ADCY4: variants seen among roughly 807,000 people sequenced by gnomAD.
The protein encoded by ADCY4 is adenylate cyclase 4.
Under a neutral mutation model 125.5 loss-of-function variants are expected in ADCY4, and 111 were observed. The ratio of observed to expected loss-of-function variants is 0.88; its 90% CI spans 0.76 to 1.04. The LOEUF (loss-of-function observed/expected upper bound fraction) is 1.04. ADCY4 is among the 50% of genes least tolerant of loss of function. ADCY4 has a pLI of 0.00. For missense variants in ADCY4, 1,256 were observed against 1,382.9 expected (o/e 0.91, Z 1.46); for synonymous variants, 576 against 586.9 (o/e 0.98, Z 0.27).
intron 8 of ADCY4, 130 bp from the exon 9 acceptor site, chr14:24,329,663 G>T: frequency 1.4e-6 from 2 of 1,421,868 alleles, no homozygotes; most frequent in South Asian, 1.5e-5. Context: ...CTGGATGTCT[G>T]ACTTCAAGAA....
intron 14 of ADCY4, among the ~76,000 whole-genome samples, chr14:24,324,901 A>G (rs1411230101): frequency 6.6e-6 from 1 of 151,690 alleles, no homozygotes. Flanking sequence ...ATGGGGTTTC[A>G]CCATGTTGGC....
At chr14:24,327,861 A>G (rs1226951244) in intron 10 of ADCY4, among the ~76,000 whole-genome samples, 2 of 152,224 alleles carry the variant, frequency 1.3e-5, no homozygotes, top group African/African-American at 4.8e-5. Flanking sequence ...GTTCCAGTAT[A>G]ATAAAATATA....
In ADCY4 at chr14:24,332,579, C is replaced by A. The variant is rs1465833855; in HGVS notation, c.462G>T (p.Leu154=). 1 of 1,578,066 alleles carries A rather than the reference C, an allele frequency of 6.3e-7. No homozygotes were observed. The highest frequency in any genetic ancestry group is 8.6e-7 in the Non-Finnish European group (1 of 1,161,960). Residue 154 remains leucine (L), a synonymous_variant, in exon 3 of 25, where the codon CTG becomes CTT. Coordinates refer to ENST00000418030, the MANE Select transcript of ADCY4 (RefSeq NM_001198568.2). ...AGLASSLSHL[L]VLGLYLGPQP... The stretch of plus-strand genomic sequence containing the variant: ...GTGGCCCAAGATACAGCCCGAGGAC[C>A]AGCAGATGCGAGAGTGAGGAGGCGA...
intron 20 of ADCY4, chr14:24,321,721 G>T (rs572668666): frequency 2.2e-6 from 2 of 892,346 alleles, no homozygotes; most frequent in Non-Finnish European, 2.7e-6. Context: ...CTCACCTCCT[G>T]CTGTGTAGCC....
At position 24,319,492 on chromosome 14, in the gene ADCY4, C is replaced by T; in HGVS notation, c.2734-56G>A. The T allele has an allele frequency of 6.5e-7, 1 of 1,541,872 alleles. No homozygotes were observed. On this transcript the variant is annotated intron_variant, in intron 21 of 24. Transcript: ENST00000418030. The surrounding 1 kb of genome is among the most constrained non-coding windows in gnomAD (Gnocchi z 4.5). ...CTCTCTTACTCTCTCCATCACCTCT[C>T]CCAGAAGCCCAGCCCCAAGCCTTTG... is the stretch of plus-strand genomic sequence containing the variant.
Position 24,326,343 on chromosome 14 carries a change from C to G in ADCY4, c.1525-1G>C. On this transcript the variant is annotated splice_acceptor_variant, in intron 10 of 24. Transcript: ENST00000418030. LOFTEE classifies it high-confidence loss of function. ...TGCTGAAGGAAGCCAGGGTCTTCTC[C>G]TGTTGGGAGAGCACAGGGGGAGGTG... 2 of 1,612,822 alleles carry G rather than the reference C, an allele frequency of 1.2e-6. No homozygotes were observed. The highest frequency in any genetic ancestry group is 1.7e-6 in the Non-Finnish European group (2 of 1,179,942).
At chr14:24,324,541 T>C (rs1404875251) in intron 14 of ADCY4, 150 bp from the exon 15 acceptor site, 1 of 879,254 alleles carries the variant, frequency 1.1e-6, no homozygotes, top group Non-Finnish European at 1.8e-6. Flanking sequence ...TAGAAGACAT[T>C]GCATTCTGAT....
chr14:24,325,194 C>A, intron 14 of ADCY4, among the ~76,000 whole-genome samples, 183 bp downstream of exon 14: 1 of 131,898 alleles, frequency 7.6e-6, no homozygotes, highest in African/African-American at 3.7e-5. Context: ...AGAAAGTCCA[C>A]AGGATCTACA....
At position 24,331,129 on chromosome 14, in the gene ADCY4, G is replaced by A. The variant is rs376471269; in HGVS notation, c.819C>T (p.Ser273=). The A allele has an allele frequency of 1.7e-5, 27 of 1,612,116 alleles. No homozygotes were observed. The Admixed American group carries it at 3.7e-4, about 22-fold the overall frequency. The part of the protein sequence containing the change: ...SLYVKRHQGV[S]VLYADIVGFT... The stretch of plus-strand genomic sequence containing the variant: ...AGCCCACGATGTCAGCATACAGCAC[G>A]CTGCATAGGGCAGACTGTGTCAGCA... Residue 273 remains serine, a splice_region_variant and synonymous_variant, in exon 6 of 25, where the codon AGC becomes AGT. Coordinates refer to ENST00000418030, the MANE Select transcript of ADCY4 (RefSeq NM_001198568.2).
intron 19 of ADCY4, 119 bp from the exon 20 acceptor site, chr14:24,322,343 G>T: frequency 8.3e-7 from 1 of 1,197,904 alleles, no homozygotes; most frequent in Non-Finnish European, 1.2e-6. Flanking sequence ...CAGTTTAGAA[G>T]TAGAGCTTAA....
Position 24,319,790 on chromosome 14 carries a change from G to A in ADCY4, c.2685C>T (p.Gly895=), listed in dbSNP as rs1365968745. The A allele has an allele frequency of 6.2e-7, 1 of 1,614,112 alleles. No homozygotes were observed. The highest frequency in any genetic ancestry group is 8.5e-7 in the Non-Finnish European group (1 of 1,180,014). ...FYSESNINHE[G]LECLRLLNEI... Reference sequence around the variant, plus strand: ...CATTGAGCAGCCTCAGACACTCTAGGCCCTCATGATTGATGTTGGATTCAG... The same window carrying A: ...CATTGAGCAGCCTCAGACACTCTAGACCCTCATGATTGATGTTGGATTCAG... The change falls in exon 21 of 25, where the codon GGC becomes GGT. Residue 895 remains glycine (G), a synonymous_variant. Coordinates refer to ENST00000418030, the MANE Select transcript of ADCY4 (RefSeq NM_001198568.2). This position sits in a 1 kb window ranked among gnomAD's most constrained non-coding sequence, Gnocchi z 4.5.
chr14:24,322,615 G>C lies in ADCY4; in HGVS notation c.2427+9C>G, dbSNP rs376027188. The C allele has an allele frequency of 1.2e-6, 2 of 1,613,890 alleles. No homozygotes were observed. The highest frequency in any genetic ancestry group is 1.7e-6 in the Non-Finnish European group (2 of 1,179,954). ...GTGGGCCCTGGTGGGGCTGAGCTGG[G>C]TGACTTACCTGGCGAGCCAGGACAA... On this transcript the variant is annotated intron_variant, in intron 19 of 24. Transcript: ENST00000418030.
intron 20 of ADCY4, chr14:24,321,712 T>C: frequency 1.2e-6 from 1 of 816,352 alleles, no homozygotes; most frequent in Non-Finnish European, 1.5e-6. Context: ...GGCTCACCGC[T>C]CACCTCCTGC....
intron 3 of ADCY4, chr14:24,332,169 G>T: frequency 2.0e-6 from 1 of 492,618 alleles, no homozygotes; most frequent in Non-Finnish European, 3.4e-6. Context: ...GTCTGGAAAC[G>T]TTTGCAGGTA....
At chr14:24,329,369 G>A in intron 9 of ADCY4, 32 bp downstream of exon 9, 1 of 1,545,558 alleles carries the variant, frequency 6.5e-7, no homozygotes, top group Non-Finnish European at 8.7e-7. Flanking sequence ...GTTTGTGTAG[G>A]CCAGCCCATG....
At chr14:24,323,702 T>C in intron 16 of ADCY4, 1 of 1,360,322 alleles carries the variant, frequency 7.4e-7, no homozygotes, top group Non-Finnish European at 9.5e-7. Flanking sequence ...CCACTTAGCC[T>C]CTCTGGGCCT....
At position 24,325,836 on chromosome 14, in the gene ADCY4, C is replaced by G. The variant is rs1253107559; in HGVS notation, c.1707G>C (p.Glu569Asp). The change falls in exon 13 of 25, where the codon GAG becomes GAC. Residue 569 changes from glutamate (E) to aspartate (D), a missense_variant. Transcript: ENST00000418030. ...AGCCCACCTCTTTCTCCATCTCCTTCTCTCTGAAGTACAGTGTCAGTGGGT... is the reference window on the plus strand; with the variant it reads ...AGCCCACCTCTTTCTCCATCTCCTTGTCTCTGAAGTACAGTGTCAGTGGGT... ...DFNPLTLYFREKEMEKEYRLS... is the reference protein window; with the variant it reads ...DFNPLTLYFRDKEMEKEYRLS... 1 of 1,598,188 alleles carries G rather than the reference C, an allele frequency of 6.3e-7. No individual in the cohort carries two copies. The highest frequency in any genetic ancestry group is 1.3e-5 in the African/African-American group (1 of 74,932).
intron 1 of ADCY4, 150 bp downstream of exon 1, chr14:24,334,344 C>T: frequency 7.5e-7 from 1 of 1,339,532 alleles, no homozygotes; most frequent in Non-Finnish European, 9.8e-7. Context: ...AGTGACTTGC[C>T]CAGGGTCACT....
rs1171403769 is a variant in ADCY4, at chr14:24,319,324, CGTACCTGTTGTGCA to C, written c.2832_2841+4del. The C allele has an allele frequency of 6.2e-7, 1 of 1,613,852 alleles. No homozygotes were observed. The highest frequency in any genetic ancestry group is 1.3e-5 in the African/African-American group (1 of 74,892). ...AGGATGGTAGGTAAGGAAGGGTTGCCGTACCTGTTGTGCATCCTGTCCAGAGGTGGCATTTAAGC... is the reference window on the plus strand; with the variant it reads ...AGGATGGTAGGTAAGGAAGGGTTGCCTCCTGTCCAGAGGTGGCATTTAAGC... On this transcript the variant is annotated splice_donor_variant and splice_donor_region_variant and coding_sequence_variant and intron_variant, in exon 22 of 25. Transcript: ENST00000418030. LOFTEE classifies it high-confidence loss of function. This position sits in a 1 kb window ranked among gnomAD's most constrained non-coding sequence, Gnocchi z 4.5.
Sources: gnomAD v4.1 joint callset for allele counts (sites outside exome capture counted in the v4.1 genomes callset) on GRCh38, gnomAD v4.1.1 for gene constraint, Gnocchi (gnomAD v3.1) non-coding constraint, MANE v1.5 for transcripts, NCBI Gene and HGNC (gene_info 2026-07-23, HGNC 2026-07-21) for gene names.